Variants in DNAJA3 observed in about 807,000 individuals in gnomAD.
The protein encoded by DNAJA3 is DnaJ heat shock protein family (Hsp40) member A3, also known as dnaJ homolog subfamily A member 3, mitochondrial.
A neutral mutation model predicts 54.9 loss-of-function variants in DNAJA3; 29 were observed. The observed-to-expected ratio is 0.53, with a 90% CI of 0.39 to 0.72. The LOEUF (loss-of-function observed/expected upper bound fraction) is 0.72, where lower values mean the gene tolerates loss of function less well. Among genes scored for constraint, DNAJA3 ranks in the 30% least tolerant of loss-of-function variants. The pLI is 0.00. For synonymous variants in DNAJA3, 302 were observed against 251.4 expected (o/e 1.20, Z -1.90); for missense variants, 708 against 639.4 (o/e 1.11, Z -1.16).
intron 4 of DNAJA3, 96 bp from the exon 5 acceptor site, chr16:4,442,172 A>C (rs2141382673): frequency 7.6e-7 from 1 of 1,317,114 alleles, no homozygotes; most frequent in East Asian, 2.5e-5. Context: ...AGAGTGACTG[A>C]AAATGTGGGC....
At chr16:4,452,790 A>G (rs965771894) in intron 10 of DNAJA3, among the ~76,000 whole-genome samples, 3 of 152,144 alleles carry the variant, frequency 2.0e-5, no homozygotes, top group African/African-American at 7.2e-5. Flanking sequence ...ATGCACCTCT[A>G]TCACCAGCTA....
intron 1 of DNAJA3, among the ~76,000 whole-genome samples, chr16:4,428,021 A>G (rs972788629): frequency 7.8e-4 from 118 of 150,570 alleles, no homozygotes; most frequent in African/African-American, 2.8e-3. Context: ...GCGCTATCTC[A>G]GCTCACTGCA....
At chr16:4,442,558 G>A in intron 5 of DNAJA3, 138 bp downstream of exon 5, 1 of 1,056,542 alleles carries the variant, frequency 9.5e-7, no homozygotes, top group Non-Finnish European at 1.3e-6. Flanking sequence ...TTTCCCCCGT[G>A]ACCCTGAGGA....
chr16:4,432,310 A>C (rs1428477819), intron 1 of DNAJA3, among the ~76,000 whole-genome samples: 1 of 146,524 alleles, frequency 6.8e-6, no homozygotes, highest in African/African-American at 2.5e-5. Flanking sequence ...GGCGAGAGCC[A>C]CTGTGCCCAG....
intron 10 of DNAJA3, among the ~76,000 whole-genome samples, chr16:4,451,979 A>G (rs56841388): frequency 0.015 from 2,257 of 151,578 alleles, 64 homozygotes; most frequent in African/African-American, 0.052. Flanking sequence ...CTGAGGCAGG[A>G]TAATTGCTTG....
Position 4,454,935 on chromosome 16 carries a change from A to G in DNAJA3, c.*13+8A>G, listed in dbSNP as rs775649924. On this transcript the variant is annotated splice_region_variant and intron_variant, in intron 11 of 11. Transcript: ENST00000262375. ...CATGATATCCCAGCCGAGGTAGGAA[A>G]ACCCTGGAGGTTTTTTTTCCCTTTG... 6.3e-7 allele frequency: 1 copy of G among 1,586,518 alleles called. No individual in the cohort carries two copies. The highest frequency in any genetic ancestry group is 8.6e-7 in the Non-Finnish European group (1 of 1,156,944).
Position 4,443,133 on chromosome 16 carries a change from G to C in DNAJA3, c.900G>C (p.Gln300His), listed in dbSNP as rs1275736463. ...GCAGGGGAGCAGGACAAGCCAAGCA[G>C]AAAAAGCGAGTGATGATCCCTGTGC... The part of the protein sequence containing the change: ...VVCRGAGQAK[Q>H]KKRVMIPVPA... The change falls in exon 6 of 12, where the codon CAG becomes CAC. Residue 300 changes from glutamine (Q) to histidine (H), a missense_variant. Coordinates refer to ENST00000262375, the MANE Select transcript of DNAJA3 (RefSeq NM_005147.6). 1 of 1,613,910 alleles carries C rather than the reference G, an allele frequency of 6.2e-7. No individual in the cohort carries two copies. Among genetic ancestry groups the C allele is most frequent in the African/African-American group, 1.3e-5 (1 of 74,882 alleles).
Position 4,441,480 on chromosome 16 carries a change from A to G in DNAJA3, c.535A>G (p.Thr179Ala). 1 of 1,614,164 alleles carries G rather than the reference A, an allele frequency of 6.2e-7. No homozygotes were observed. The highest frequency in any genetic ancestry group is 1.1e-5 in the South Asian group (1 of 91,080). The part of the protein sequence containing the change: ...SQHSYWKGGP[T>A]VDPEELFRKI... ...GCATAGCTACTGGAAGGGAGGCCCCACTGTGGACCCCGAGGAGCTGTTCAG... is the reference window on the plus strand; with the variant it reads ...GCATAGCTACTGGAAGGGAGGCCCCGCTGTGGACCCCGAGGAGCTGTTCAG... Residue 179 changes from threonine to alanine, a missense_variant, in exon 4 of 12, where the codon ACT (threonine) becomes GCT (alanine). Physicochemically the swap from Thr to Ala is moderately conservative, Grantham distance 58. Coordinates refer to ENST00000262375, the MANE Select transcript of DNAJA3 (RefSeq NM_005147.6).
chr16:4,450,735 C>T (rs1247039002), intron 10 of DNAJA3, among the ~76,000 whole-genome samples: 1 of 152,248 alleles, frequency 6.6e-6, no homozygotes, highest in African/African-American at 2.4e-5. Context: ...AGCACCAGGG[C>T]ACTTCCTGCA....
chr16:4,454,948 T>C lies in DNAJA3; in HGVS notation c.*13+21T>C, dbSNP rs371190640. The C allele has an allele frequency of 4.6e-4, 695 of 1,525,514 alleles. 6 individuals carry two copies. The African/African-American group carries it at 8.5e-3, about 19-fold the overall frequency. The allele number at this position is 1,525,514 out of a possible 1,614,324, so 94.5% of individuals were successfully genotyped here. A position where few individuals can be genotyped will look rare whatever the true frequency, so the allele number is the denominator to read the frequency against. ...CCGAGGTAGGAAAACCCTGGAGGTT[T>C]TTTTTCCCTTTGTTTTCCTCTGTGA... is the stretch of plus-strand genomic sequence containing the variant. On this transcript the variant is annotated intron_variant, in intron 11 of 11. Coordinates refer to ENST00000262375, the MANE Select transcript of DNAJA3 (RefSeq NM_005147.6).
chr16:4,428,775 C>T lies in DNAJA3; in HGVS notation c.211+2683C>T, dbSNP rs532873207. ...TCAACTGGTTGGGCGGGGTGGCTCA[C>T]GACTGTAATTCCAGCGCTATGCTGG... On this transcript the variant is annotated intron_variant, in intron 1 of 11. Transcript: ENST00000262375. 2.8e-4 allele frequency among the ~76,000 whole-genome samples: 42 copies of T among 152,084 alleles called. 1 individual carries two copies. In the South Asian group the frequency reaches 7.5e-3, roughly 27 times the overall value.
At chr16:4,451,589 C>T (rs368821894) in intron 10 of DNAJA3, among the ~76,000 whole-genome samples, 1 of 150,434 alleles carries the variant, frequency 6.6e-6, no homozygotes, top group Non-Finnish European at 1.5e-5. Context: ...AAACCCCATC[C>T]CTACTAAAAA....
intron 2 of DNAJA3, among the ~76,000 whole-genome samples, chr16:4,436,872 T>G (rs2056778134): frequency 6.6e-6 from 1 of 152,142 alleles, no homozygotes; most frequent in Admixed American, 6.6e-5. Context: ...TTTGTTCATT[T>G]ACCTATTCTA....
intron 3 of DNAJA3, 192 bp from the exon 4 acceptor site, chr16:4,441,183 C>A (rs2056831850): frequency 8.4e-6 from 5 of 595,738 alleles, no homozygotes; most frequent in Non-Finnish European, 1.5e-5. Flanking sequence ...ACGCCCTACA[C>A]TTAGCATTCA....
chr16:4,448,366 A>G (rs2056931417), intron 8 of DNAJA3, among the ~76,000 whole-genome samples: 3 of 151,524 alleles, frequency 2.0e-5, no homozygotes, highest in Non-Finnish European at 4.4e-5. Flanking sequence ...CTGCCGAGAC[A>G]GAGTCTTGCT....
chr16:4,446,382 T>G (rs1470898529), intron 7 of DNAJA3, among the ~76,000 whole-genome samples: 4 of 151,700 alleles, frequency 2.6e-5, no homozygotes, highest in Non-Finnish European at 4.4e-5. Flanking sequence ...TAGCTGGGAT[T>G]ACAGGGGCCC....
intron 7 of DNAJA3, 93 bp from the exon 8 acceptor site, chr16:4,446,793 G>C (rs2056906513): frequency 4.0e-6 from 6 of 1,509,510 alleles, no homozygotes; most frequent in Middle Eastern, 4.2e-4. Flanking sequence ...TGTGTAGTTT[G>C]TCAGGTCTGA....
At position 4,443,159 on chromosome 16, in the gene DNAJA3, C is replaced by T. The variant is rs764969884; in HGVS notation, c.926C>T (p.Pro309Leu). 1.9e-6 allele frequency: 3 copies of T among 1,613,770 alleles called. No individual in the cohort carries two copies. The highest frequency in any genetic ancestry group is 1.7e-5 in the Admixed American group (1 of 59,948). Residue 309 changes from proline to leucine, a missense_variant, in exon 6 of 12, where the codon CCT becomes CTT. Pro to Leu is a moderately conservative substitution (Grantham distance 98). Transcript: ENST00000262375. ...AAAAAGCGAGTGATGATCCCTGTGC[C>T]TGCAGGTGGGTGCTTGGGCCCGCCA... Reference protein sequence around the residue: ...KQKKRVMIPVPAGVEDGQTVR... With the variant: ...KQKKRVMIPVLAGVEDGQTVR...
At position 4,437,304 on chromosome 16, in the gene DNAJA3, G is replaced by T. The variant is rs1463304817; in HGVS notation, c.346-98G>T. ...ACTTTTATAAAGGGAACATAATTATGACTGGTATTTGGGGTTCTGTTGTAT... is the reference window on the plus strand; with the variant it reads ...ACTTTTATAAAGGGAACATAATTATTACTGGTATTTGGGGTTCTGTTGTAT... On this transcript the variant is annotated intron_variant, in intron 2 of 11. Transcript: ENST00000262375. 4 of 992,746 alleles carry T rather than the reference G, an allele frequency of 4.0e-6. No homozygotes were observed. In the African/African-American group the frequency reaches 4.8e-5, roughly 12 times the overall value. 61.5% of individuals were successfully genotyped at this position (992,746 alleles called of 1,614,324 possible). A position where few individuals can be genotyped will look rare whatever the true frequency, so the allele number is the denominator to read the frequency against.
Sources: allele counts gnomAD v4.1 joint callset (sites outside exome capture counted in the v4.1 genomes callset), GRCh38; gene constraint gnomAD v4.1.1; transcripts MANE v1.5; gene names NCBI Gene and HGNC (gene_info 2026-07-23, HGNC 2026-07-21).